Variants in AK3 observed in about 807,000 individuals in gnomAD.
AK3 encodes GTP:AMP phosphotransferase AK3, mitochondrial.
AK3 carries 27 observed loss-of-function variants against 23.7 expected under a neutral mutation model. That is an observed-to-expected ratio of 1.14 (90% confidence interval 0.84 to 1.57). AK3 has a LOEUF of 1.57. Ranked by LOEUF, AK3 falls within the 40% of genes most tolerant of loss-of-function variation. The probability of loss-of-function intolerance (pLI) is 0.00; values close to 1 mark genes in which losing one functional copy is unlikely to be tolerated. For missense variants in AK3, 406 were observed against 285.6 expected, an observed-to-expected ratio of 1.42 and a Z score of -3.04; for synonymous variants, 159 against 116.0, an observed-to-expected ratio of 1.37 and a Z score of -2.38.
intron 1 of AK3, among the ~76,000 whole-genome samples, chr9:4,730,807 T>A (rs1394574791): frequency 6.6e-6 from 1 of 152,214 alleles, no homozygotes; most frequent in Non-Finnish European, 1.5e-5. Context: ...TGAGAAAGAA[T>A]TGTTATTTTT....
intron 1 of AK3, among the ~76,000 whole-genome samples, chr9:4,724,694 G>C (rs1033386581): frequency 6.6e-6 from 1 of 151,952 alleles, no homozygotes; most frequent in Non-Finnish European, 1.5e-5. Context: ...TGGGAAGATT[G>C]CTTGAGCCCA....
At chr9:4,713,409 T>C (rs1303195681) in intron 4 of AK3, among the ~76,000 whole-genome samples, 2 of 152,218 alleles carry the variant, frequency 1.3e-5, no homozygotes, top group African/African-American at 4.8e-5. Flanking sequence ...TGTTTAATCC[T>C]TTCCAAAGCT....
intron 3 of AK3, 38 bp from the exon 4 acceptor site, chr9:4,718,575 A>G (rs1386400213): frequency 2.1e-6 from 3 of 1,413,360 alleles, no homozygotes; most frequent in Non-Finnish European, 3.0e-6. Context: ...CAGATATCAT[A>G]TTTCTGAAAG....
chr9:4,717,650 C>T (rs770624602), intron 4 of AK3, among the ~76,000 whole-genome samples: 2 of 152,170 alleles, frequency 1.3e-5, no homozygotes, highest in East Asian at 1.9e-4. Context: ...AATTGTACCT[C>T]GAGCACCTGT....
chr9:4,723,740 A>G (rs1020503623), intron 1 of AK3, among the ~76,000 whole-genome samples: 4 of 152,218 alleles, frequency 2.6e-5, no homozygotes, highest in South Asian at 4.1e-4. Flanking sequence ...CGAAATAAAT[A>G]TATAAAACTA....
At chr9:4,739,279 C>G (rs1258114653) in intron 1 of AK3, among the ~76,000 whole-genome samples, 1 of 151,646 alleles carries the variant, frequency 6.6e-6, no homozygotes, top group Non-Finnish European at 1.5e-5. Flanking sequence ...CAACCTCCGC[C>G]TCCCAGGTTC....
intron 1 of AK3, among the ~76,000 whole-genome samples, chr9:4,739,723 A>T (rs1425507180): frequency 6.6e-6 from 1 of 151,944 alleles, no homozygotes; most frequent in African/African-American, 2.4e-5. Context: ...CGAGGTCAGG[A>T]GATGGGGACC....
intron 1 of AK3, among the ~76,000 whole-genome samples, chr9:4,731,372 TG>T (rs1842148534): frequency 6.6e-6 from 1 of 152,194 alleles, no homozygotes. Context: ...ATGAGGTATT[TG>T]GTTTTCTTTT....
At chr9:4,732,930 C>T (rs777447087) in intron 1 of AK3, among the ~76,000 whole-genome samples, 3 of 151,334 alleles carry the variant, frequency 2.0e-5, no homozygotes, top group Non-Finnish European at 4.4e-5. Context: ...ACTGCAGTCT[C>T]AAACCCCTGG....
rs149998526 is a variant in AK3, at chr9:4,734,529, G to C, written c.151+6408C>G. Among the ~76,000 whole-genome samples the C allele has an allele frequency of 3.8e-3, 573 of 152,282 alleles. 2 individuals carry two copies. The highest frequency in any genetic ancestry group is 6.0e-3 in the Non-Finnish European group (407 of 68,022). Reference sequence around the variant, plus strand: ...GGTTAGATGGACAGATGGATGAAGAGATGGATAGATGGAGAGACAAGCTCC... The same window carrying C: ...GGTTAGATGGACAGATGGATGAAGACATGGATAGATGGAGAGACAAGCTCC... On this transcript the variant is annotated intron_variant, in intron 1 of 4. Transcript: ENST00000381809.
chr9:4,723,723 G>T (rs549566067), intron 1 of AK3, among the ~76,000 whole-genome samples: 22 of 152,232 alleles, frequency 1.4e-4, no homozygotes, highest in African/African-American at 4.6e-4. Context: ...CCAAATATAA[G>T]ATATTTCGAA....
chr9:4,713,460 T>C (rs1217634158), intron 4 of AK3, among the ~76,000 whole-genome samples: 2 of 152,210 alleles, frequency 1.3e-5, no homozygotes, highest in African/African-American at 2.4e-5. Context: ...CCCTTTGTAA[T>C]GTAACTTAGC....
intron 1 of AK3, among the ~76,000 whole-genome samples, chr9:4,739,846 G>A (rs1393208849): frequency 2.0e-5 from 3 of 152,048 alleles, no homozygotes; most frequent in Non-Finnish European, 4.4e-5. Context: ...CAGGAGAATT[G>A]CTTGAACCCA....
At chr9:4,733,244 T>C (rs1396421312) in intron 1 of AK3, among the ~76,000 whole-genome samples, 1 of 152,172 alleles carries the variant, frequency 6.6e-6, no homozygotes, top group African/African-American at 2.4e-5. Context: ...GACATAAAAC[T>C]TAACTTTAAA....
rs192970660 is a variant in AK3, at chr9:4,721,235, T to C, written c.271+1271A>G. On this transcript the variant is annotated intron_variant, in intron 2 of 4. Transcript: ENST00000381809. ...CTGGCCAACATAGTGAAACCCTATC[T>C]CTACTAAAAATACAAAAATTAGCCA... Among the ~76,000 whole-genome samples the C allele has an allele frequency of 5.7e-3, 869 of 151,830 alleles. 12 individuals are homozygous for C. The highest frequency in any genetic ancestry group is 6.0e-3 in the Non-Finnish European group (405 of 67,940).
At position 4,737,705 on chromosome 9, in the gene AK3, TG is replaced by T. The variant is rs544929463; in HGVS notation, c.151+3231del. 3.0e-3 allele frequency among the ~76,000 whole-genome samples: 462 copies of T among 151,908 alleles called. 1 individual carries two copies. The highest frequency in any genetic ancestry group is 0.011 in the African/African-American group (440 of 41,422). On this transcript the variant is annotated intron_variant, in intron 1 of 4. Coordinates refer to ENST00000381809, the MANE Select transcript of AK3 (RefSeq NM_016282.4). ...CTGCACTCCAGCCTGGGCGACAGAG[TG>T]GGGACTCTGTCTCAAAAAAATAAAA...
At chr9:4,733,613 T>A (rs1842204788) in intron 1 of AK3, among the ~76,000 whole-genome samples, 1 of 152,208 alleles carries the variant, frequency 6.6e-6, no homozygotes, top group Non-Finnish European at 1.5e-5. Flanking sequence ...TCTCTCCTCT[T>A]CAGTGAAGCA....
chr9:4,724,209 T>C (rs1203998058), intron 1 of AK3, among the ~76,000 whole-genome samples: 1 of 152,154 alleles, frequency 6.6e-6, no homozygotes, highest in Non-Finnish European at 1.5e-5. Context: ...CTACAGGCTT[T>C]TGACTACTGC....
chr9:4,722,276 A>C (rs896522996), intron 2 of AK3, among the ~76,000 whole-genome samples: 8 of 152,206 alleles, frequency 5.3e-5, no homozygotes, highest in African/African-American at 1.9e-4. Context: ...GAAAGGGGAA[A>C]GGAACTAAAG....
Sources: gnomAD v4.1 joint callset for allele counts (sites outside exome capture counted in the v4.1 genomes callset) on GRCh38, gnomAD v4.1.1 for gene constraint, MANE v1.5 for transcripts, NCBI Gene and HGNC (gene_info 2026-07-23, HGNC 2026-07-21) for gene names.